The following SOX6 variants were observed in gnomAD, a reference collection of about 807,000 sequenced individuals.
SOX6 encodes transcription factor SOX-6.
Under a neutral mutation model 97.8 loss-of-function variants are expected in SOX6, and 11 were observed. The ratio of observed to expected loss-of-function variants is 0.11; its 90% CI spans 0.07 to 0.19. The LOEUF (loss-of-function observed/expected upper bound fraction) is 0.19. Among genes scored for constraint, SOX6 ranks in the 10% least tolerant of loss-of-function variants. The pLI, the probability that SOX6 is intolerant of heterozygous loss-of-function variation, is 1.00. For missense variants in SOX6, 810 were observed against 1,039.5 expected (o/e 0.78, Z 3.04); for synonymous variants, 360 against 371.4 (o/e 0.97, Z 0.35).
At chr11:16,515,564 T>A (rs1860956991) in intron 4 of SOX6, among the ~76,000 whole-genome samples, 1 of 84,328 alleles carries the variant, frequency 1.2e-5, no homozygotes, top group Non-Finnish European at 2.4e-5. Context: ...AGATCCCATT[T>A]GTCAATTTTG....
intron 3 of SOX6, among the ~76,000 whole-genome samples, chr11:16,665,103 A>T (rs1280279409): frequency 6.6e-6 from 1 of 151,874 alleles, no homozygotes; most frequent in Non-Finnish European, 1.5e-5. Flanking sequence ...TGCTGGCTTC[A>T]AGTGTGACAC....
Position 16,153,442 on chromosome 11 carries a change from G to C in SOX6, c.777+30444C>G, listed in dbSNP as rs1850511943. 2.0e-5 allele frequency among the ~76,000 whole-genome samples: 3 copies of C among 152,164 alleles called. No individual in the cohort carries two copies. The South Asian group carries it at 6.2e-4, about 31-fold the overall frequency. ...TATTGCACAGGGATATGTAGAGTAA[G>C]TTTTACTAAGCCTATCAAAAACAGG... is the stretch of plus-strand genomic sequence containing the variant. On this transcript the variant is annotated intron_variant, in intron 6 of 15. Coordinates refer to ENST00000683767, the MANE Select transcript of SOX6 (RefSeq NM_001367873.1).
At chr11:16,732,147 G>A (rs1310660131) in intron 2 of SOX6, among the ~76,000 whole-genome samples, 1 of 152,162 alleles carries the variant, frequency 6.6e-6, no homozygotes, top group Non-Finnish European at 1.5e-5. Context: ...TCAATATTGT[G>A]AAAATGGCCA....
chr11:16,021,474 C>A (rs1365310623), intron 12 of SOX6, among the ~76,000 whole-genome samples: 1 of 151,920 alleles, frequency 6.6e-6, no homozygotes, highest in Non-Finnish European at 1.5e-5. Context: ...AATGAATGAT[C>A]AAAAATGTAG....
At chr11:16,148,399 T>C (rs890392917) in intron 6 of SOX6, among the ~76,000 whole-genome samples, 20 of 152,222 alleles carry the variant, frequency 1.3e-4, no homozygotes, top group Non-Finnish European at 2.5e-4. Context: ...CCGGGATTGT[T>C]ATGAGTAACT....
intron 6 of SOX6, among the ~76,000 whole-genome samples, chr11:16,181,471 T>C (rs1056502586): frequency 3.3e-5 from 5 of 151,490 alleles, no homozygotes; most frequent in African/African-American, 1.2e-4. Flanking sequence ...TCAGAAAGCA[T>C]TTAAAATTAA....
chr11:16,378,232 A>T (rs770449773), intron 1 of SOX6, among the ~76,000 whole-genome samples: 36 of 152,184 alleles, frequency 2.4e-4, no homozygotes, highest in Non-Finnish European at 5.0e-4. Context: ...ATGTGTCCTT[A>T]AAGTAAAATA....
chr11:16,542,574 C>G (rs1170178216), intron 4 of SOX6, among the ~76,000 whole-genome samples: 1 of 151,720 alleles, frequency 6.6e-6, no homozygotes, highest in East Asian at 1.9e-4. Context: ...AAAAAAATTC[C>G]CACAACAAAC....
chr11:16,199,387 A>C (rs751696438), intron 4 of SOX6, among the ~76,000 whole-genome samples: 2 of 152,210 alleles, frequency 1.3e-5, no homozygotes, highest in Non-Finnish European at 2.9e-5. Context: ...TACTGCAACA[A>C]ACTTGGGAAA....
chr11:16,566,904 C>A (rs1432727921), intron 4 of SOX6, among the ~76,000 whole-genome samples: 1 of 152,046 alleles, frequency 6.6e-6, no homozygotes, highest in Non-Finnish European at 1.5e-5. Flanking sequence ...TTCACAATAG[C>A]CAAAAAGTGG....
At chr11:16,625,769 G>A (rs1848615329) in intron 3 of SOX6, among the ~76,000 whole-genome samples, 1 of 152,104 alleles carries the variant, frequency 6.6e-6, no homozygotes, top group Admixed American at 6.5e-5. Context: ...ACACATGAAG[G>A]TGCTCAGAGG....
At chr11:16,498,777 C>T (rs1165941100) in intron 4 of SOX6, among the ~76,000 whole-genome samples, 1 of 152,138 alleles carries the variant, frequency 6.6e-6, no homozygotes, top group Non-Finnish European at 1.5e-5. Context: ...AATATATATG[C>T]ACACAATAAA....
chr11:16,575,412 G>A (rs758282777), intron 4 of SOX6, among the ~76,000 whole-genome samples: 31 of 152,050 alleles, frequency 2.0e-4, no homozygotes, highest in Non-Finnish European at 3.7e-4. Flanking sequence ...ACAGAAACTT[G>A]TACACATGGC....
intron 7 of SOX6, among the ~76,000 whole-genome samples, chr11:16,105,989 C>A: frequency 6.6e-6 from 1 of 152,036 alleles, no homozygotes; most frequent in East Asian, 1.9e-4. Context: ...AGGGATAAAT[C>A]TAACCAAGGA....
intron 4 of SOX6, among the ~76,000 whole-genome samples, chr11:16,599,834 T>C (rs1172625384): frequency 6.6e-6 from 1 of 152,166 alleles, no homozygotes; most frequent in East Asian, 1.9e-4. Context: ...AAAGTTTTTT[T>C]GAGTGAATAA....
At chr11:16,358,885 TTC>T (rs1239436377), upstream of SOX6, among the ~76,000 whole-genome samples, 2 of 152,286 alleles carry the variant, frequency 1.3e-5, no homozygotes, top group East Asian at 3.9e-4. Context: ...AAGTTGCCAG[TTC>T]TGTGTCTACT....
chr11:16,555,510 T>C (rs1051749108), intron 4 of SOX6, among the ~76,000 whole-genome samples: 2 of 151,710 alleles, frequency 1.3e-5, no homozygotes, highest in African/African-American at 4.8e-5. Context: ...GTATACAATG[T>C]GTAATGATCA....
intron 4 of SOX6, among the ~76,000 whole-genome samples, chr11:16,587,514 T>C (rs191202911): frequency 6.6e-6 from 1 of 152,270 alleles, no homozygotes; most frequent in Admixed American, 6.5e-5. Context: ...TCCAGAAATA[T>C]GTCTATGTGT....
chr11:16,280,056 A>G (rs1386574744), intron 3 of SOX6, among the ~76,000 whole-genome samples: 1 of 152,146 alleles, frequency 6.6e-6, no homozygotes, highest in South Asian at 2.1e-4. Context: ...TGTATCAAGA[A>G]ATGACTTAAT....
Sources: gnomAD v4.1 joint callset for allele counts (sites outside exome capture counted in the v4.1 genomes callset) on GRCh38, gnomAD v4.1.1 for gene constraint, MANE v1.5 for transcripts, NCBI Gene and HGNC (gene_info 2026-07-23, HGNC 2026-07-21) for gene names.